Variants in MYT1 observed in about 807,000 individuals in gnomAD.
MYT1 encodes the protein myelin transcription factor 1.
In MYT1, 23 loss-of-function variants were observed where a neutral mutation model predicts 123.0. The observed-to-expected ratio is 0.19, with a 90% confidence interval of 0.13 to 0.26. The LOEUF is 0.26. Ranked by LOEUF, MYT1 falls within the 10% of genes least tolerant of loss-of-function variation. MYT1 has a pLI of 1.00. For synonymous variants in MYT1, 518 were observed against 575.3 expected (o/e 0.90, Z 1.43); for missense variants, 1,125 against 1,472.5 (o/e 0.76, Z 3.86).
intron 19 of MYT1, among the ~76,000 whole-genome samples, chr20:64,236,339 C>T (rs1283591238): frequency 3.6e-4 from 27 of 74,714 alleles, no homozygotes; most frequent in African/African-American, 9.0e-4. Flanking sequence ...GGGCTGGCCG[C>T]GGTGGGTGAC....
chr20:64,234,334 G>T (rs1462727216), intron 19 of MYT1, among the ~76,000 whole-genome samples: 3 of 152,186 alleles, frequency 2.0e-5, no homozygotes, highest in African/African-American at 7.2e-5. Flanking sequence ...CAAAGTACCG[G>T]CAAGTGGGTC....
At chr20:64,222,584 T>C (rs1161509641) in intron 14 of MYT1, among the ~76,000 whole-genome samples, 1 of 152,258 alleles carries the variant, frequency 6.6e-6, no homozygotes, top group Non-Finnish European at 1.5e-5. Flanking sequence ...AATGACCTTC[T>C]GGTCAGCCTT....
Position 64,185,716 on chromosome 20 carries a change from C to T in MYT1, c.-98-4347C>T, listed in dbSNP as rs998286421. Among the ~76,000 whole-genome samples, 33 of 152,314 alleles carry T rather than the reference C, an allele frequency of 2.2e-4. 1 individual carries two copies. The highest frequency in any genetic ancestry group is 1.9e-3 in the Admixed American group (29 of 15,306). On this transcript the variant is annotated intron_variant, in intron 1 of 22. Coordinates refer to ENST00000328439, the MANE Select transcript of MYT1 (RefSeq NM_004535.3). This position sits in a 1 kb window ranked among gnomAD's most constrained non-coding sequence, Gnocchi z 4.5. ...CAGCATGAAAACAGCCACGGTCGCC[C>T]GCAGGGGGTCCCCCATGGGGTTGTG...
At chr20:64,176,657 T>C (rs892389842) in intron 1 of MYT1, among the ~76,000 whole-genome samples, 2 of 152,232 alleles carry the variant, frequency 1.3e-5, no homozygotes, top group African/African-American at 4.8e-5. Flanking sequence ...GGAAAAGCTG[T>C]GTGTGTCTGC....
intron 3 of MYT1, among the ~76,000 whole-genome samples, chr20:64,199,531 C>A (rs1475173797): frequency 1.3e-5 from 2 of 152,180 alleles, no homozygotes; most frequent in Non-Finnish European, 2.9e-5. Context: ...GTGTTTCCTG[C>A]CAAAAGCTGA....
chr20:64,199,807 G>A, intron 3 of MYT1, 85 bp from the exon 4 acceptor site: 1 of 1,493,020 alleles, frequency 6.7e-7, no homozygotes, highest in Non-Finnish European at 9.3e-7. Context: ...CCTCTCGGCT[G>A]TTTAACTTAG....
At chr20:64,195,340 T>C (rs1983078875) in intron 2 of MYT1, among the ~76,000 whole-genome samples, 1 of 149,886 alleles carries the variant, frequency 6.7e-6, no homozygotes, top group Admixed American at 6.7e-5. Context: ...CTTCGTACCA[T>C]GTCATGGTGA....
At position 64,196,829 on chromosome 20, in the gene MYT1, C is replaced by T. The variant is rs1983137225; in HGVS notation, c.1-2033C>T. 6.6e-6 allele frequency among the ~76,000 whole-genome samples: 1 copy of T among 152,168 alleles called. No homozygotes were observed. The highest frequency in any genetic ancestry group is 1.5e-5 in the Non-Finnish European group (1 of 68,038). ...ATTTATCTGCAGGAAATCCAAATTG[C>T]CAAGGCACGCTTTAACCTAGCAGAA... is the stretch of plus-strand genomic sequence containing the variant. On this transcript the variant is annotated intron_variant, in intron 2 of 22. Coordinates refer to ENST00000328439, the MANE Select transcript of MYT1 (RefSeq NM_004535.3). This position sits in a 1 kb window ranked among gnomAD's most constrained non-coding sequence, Gnocchi z 4.3.
At chr20:64,201,536 C>T (rs6062661) in intron 4 of MYT1, among the ~76,000 whole-genome samples, 19,388 of 152,208 alleles carry the variant, frequency 0.13, 1,336 homozygotes, top group South Asian at 0.17. Flanking sequence ...ACATTCTGCA[C>T]GGAAGGTACC....
At chr20:64,216,714 A>T (rs1021245502) in intron 10 of MYT1, among the ~76,000 whole-genome samples, 2 of 152,022 alleles carry the variant, frequency 1.3e-5, no homozygotes, top group African/African-American at 2.4e-5. Flanking sequence ...CCTGATACTC[A>T]CTCCAGTTGC....
chr20:64,218,693 A>C lies in MYT1; in HGVS notation c.1847-218A>C. On this transcript the variant is annotated intron_variant, in intron 11 of 22. Coordinates refer to ENST00000328439, the MANE Select transcript of MYT1 (RefSeq NM_004535.3). The surrounding 1 kb of genome is among the most constrained non-coding windows in gnomAD (Gnocchi z 4.0). ...GGACTTGGGACTGGGACGGGTGGCC[A>C]AGCCCCTGGCCCACTTCGATATAGC... 2 of 631,634 alleles carry C rather than the reference A, an allele frequency of 3.2e-6. No homozygotes were observed. Among genetic ancestry groups the C allele is most frequent in the Non-Finnish European group, 2.8e-6 (1 of 358,958 alleles). 39.1% of individuals were successfully genotyped at this position (631,634 alleles called of 1,614,324 possible).
intron 13 of MYT1, 98 bp downstream of exon 13, chr20:64,220,080 A>T: frequency 7.2e-7 from 1 of 1,397,298 alleles, no homozygotes; most frequent in Non-Finnish European, 9.3e-7. Flanking sequence ...GCTTCTCCTC[A>T]CAGGCTTCTG....
At chr20:64,227,111 T>G (rs373236143) in intron 16 of MYT1, among the ~76,000 whole-genome samples, 4 of 152,310 alleles carry the variant, frequency 2.6e-5, no homozygotes, top group African/African-American at 9.6e-5. Flanking sequence ...AGTGCCCAGG[T>G]TTGGTGTCTG....
At chr20:64,230,935 G>A (rs1288389149) in intron 18 of MYT1, among the ~76,000 whole-genome samples, 1 of 152,188 alleles carries the variant, frequency 6.6e-6, no homozygotes, top group Non-Finnish European at 1.5e-5. Context: ...GAGTGTGGGG[G>A]CAAGGAGCCG....
chr20:64,188,980 A>T (rs980723959), intron 1 of MYT1, among the ~76,000 whole-genome samples: 3 of 152,110 alleles, frequency 2.0e-5, no homozygotes, highest in Admixed American at 2.0e-4. Flanking sequence ...TGACTACCAA[A>T]TCTGCTTTCC....
At chr20:64,172,821 C>T (rs1601697583) in intron 1 of MYT1, among the ~76,000 whole-genome samples, 3 of 141,960 alleles carry the variant, frequency 2.1e-5, no homozygotes. Context: ...GATCTTGGCT[C>T]ACTGCAACCT....
intron 1 of MYT1, among the ~76,000 whole-genome samples, chr20:64,179,544 A>G (rs1982578078): frequency 6.6e-6 from 1 of 152,234 alleles, no homozygotes; most frequent in Non-Finnish European, 1.5e-5. Context: ...ATATCTCTAT[A>G]GACTCGTTGT....
chr20:64,239,596 C>T (rs1208283181), intron 21 of MYT1, among the ~76,000 whole-genome samples, 164 bp from the exon 22 acceptor site: 1 of 152,162 alleles, frequency 6.6e-6, no homozygotes, highest in Non-Finnish European at 1.5e-5. Flanking sequence ...TCTGCCAGCC[C>T]CTCACCTGTG....
At chr20:64,238,085 T>G (rs1984605583) in intron 21 of MYT1, among the ~76,000 whole-genome samples, 1 of 151,540 alleles carries the variant, frequency 6.6e-6, no homozygotes. Flanking sequence ...ATTTCCTGAT[T>G]TCCCTAAAAT....
Sources: allele counts gnomAD v4.1 joint callset (sites outside exome capture counted in the v4.1 genomes callset), GRCh38; gene constraint gnomAD v4.1.1; non-coding constraint Gnocchi (gnomAD v3.1); transcripts MANE v1.5; gene names NCBI Gene and HGNC (gene_info 2026-07-23, HGNC 2026-07-21).